The following ATG7 variants were observed in gnomAD, a reference collection of about 807,000 sequenced individuals.
The protein encoded by ATG7 is autophagy related 7, also known as ubiquitin-like modifier-activating enzyme ATG7.
Under a neutral mutation model 82.4 loss-of-function variants are expected in ATG7, and 70 were observed. That is an observed-to-expected ratio of 0.85 (90% CI 0.70 to 1.04). The LOEUF is 1.04. ATG7 is among the 50% of genes least tolerant of loss of function. The pLI, the probability that ATG7 is intolerant of heterozygous loss-of-function variation, is 0.00. For missense variants in ATG7, 792 were observed against 864.3 expected (o/e 0.92, Z 1.05); for synonymous variants, 287 against 313.0 (o/e 0.92, Z 0.88).
intron 20 of ATG7, among the ~76,000 whole-genome samples, chr3:11,432,717 TG>T (rs1478070164): frequency 6.6e-6 from 1 of 152,134 alleles, no homozygotes. Flanking sequence ...ATTCTGCTCA[TG>T]GGGGATTAGG....
chr3:11,310,793 C>T (rs1265283018), intron 7 of ATG7, among the ~76,000 whole-genome samples: 5 of 152,052 alleles, frequency 3.3e-5, no homozygotes, highest in East Asian at 1.9e-4. Flanking sequence ...CCACCACACC[C>T]GGCTAATTTT....
At chr3:11,370,288 G>A (rs1448470917) in intron 18 of ATG7, among the ~76,000 whole-genome samples, 1 of 151,058 alleles carries the variant, frequency 6.6e-6, no homozygotes. Flanking sequence ...TTTTTCTAAG[G>A]ATAACACTGG....
At chr3:11,460,675 T>C (rs1479315291) in intron 20 of ATG7, among the ~76,000 whole-genome samples, 1 of 152,208 alleles carries the variant, frequency 6.6e-6, no homozygotes, top group Non-Finnish European at 1.5e-5. Context: ...GGAAGATTAA[T>C]AAGTCAAAAT....
chr3:11,328,440 T>C (rs977011341), intron 9 of ATG7, among the ~76,000 whole-genome samples: 3 of 152,198 alleles, frequency 2.0e-5, no homozygotes, highest in African/African-American at 7.2e-5. Context: ...TGACCATATC[T>C]ATGAACCTGT....
chr3:11,564,812 C>G, the ATG7 span: 3 of 1,569,998 alleles, frequency 1.9e-6, no homozygotes, highest in Non-Finnish European at 2.6e-6. Flanking sequence ...GCCGCTCCCC[C>G]GGGGTCAGTG....
intron 14 of ATG7, among the ~76,000 whole-genome samples, chr3:11,354,255 C>G (rs925828198): frequency 6.6e-6 from 1 of 152,096 alleles, no homozygotes; most frequent in South Asian, 2.1e-4. Flanking sequence ...TGAAAAGAAG[C>G]GCTCTGCTAC....
At chr3:11,305,415 G>GGTAC (rs1181916289) in intron 5 of ATG7, among the ~76,000 whole-genome samples, 1 of 152,168 alleles carries the variant, frequency 6.6e-6, no homozygotes, top group Non-Finnish European at 1.5e-5. Context: ...TGGGAAGAAG[G>GGTAC]GTACCTTCCT....
intron 18 of ATG7, among the ~76,000 whole-genome samples, chr3:11,374,654 C>G (rs2077258594): frequency 2.0e-5 from 3 of 152,056 alleles, no homozygotes; most frequent in Admixed American, 6.5e-5. Context: ...GCCTGTAATC[C>G]CAGCACTTTG....
At chr3:11,495,727 G>A (rs536957127) in intron 20 of ATG7, among the ~76,000 whole-genome samples, 17 of 152,278 alleles carry the variant, frequency 1.1e-4, no homozygotes, top group East Asian at 5.8e-4. Flanking sequence ...TCTAACAGCC[G>A]TGGATATCAC....
At chr3:11,303,712 C>T (rs887453405) in intron 5 of ATG7, among the ~76,000 whole-genome samples, 5 of 150,542 alleles carry the variant, frequency 3.3e-5, no homozygotes, top group Non-Finnish European at 5.9e-5. Context: ...CTCAAATGAT[C>T]AACATTTGAA....
chr3:11,330,133 T>G (rs1378671242), intron 9 of ATG7, among the ~76,000 whole-genome samples: 1 of 152,258 alleles, frequency 6.6e-6, no homozygotes, highest in Non-Finnish European at 1.5e-5. Context: ...CCACATGACA[T>G]CCTTGGTAAT....
chr3:11,446,675 T>C, intron 20 of ATG7: 1 of 233,360 alleles, frequency 4.3e-6, no homozygotes, highest in South Asian at 4.1e-5. Context: ...TTCCTGACTT[T>C]TGACTTCTTC....
chr3:11,437,778 T>C (rs116597392), intron 20 of ATG7, among the ~76,000 whole-genome samples: 57 of 152,332 alleles, frequency 3.7e-4, no homozygotes, highest in African/African-American at 1.3e-3. Flanking sequence ...TTTTAAACCA[T>C]TTGAAAGCAA....
chr3:11,404,853 C>A (rs1484568167), intron 19 of ATG7, among the ~76,000 whole-genome samples: 1 of 152,036 alleles, frequency 6.6e-6, no homozygotes, highest in African/African-American at 2.4e-5. Context: ...ATGAGAACGG[C>A]ATGAGAAAGA....
At chr3:11,485,383 G>A (rs990356402) in intron 20 of ATG7, among the ~76,000 whole-genome samples, 1 of 152,106 alleles carries the variant, frequency 6.6e-6, no homozygotes, top group Non-Finnish European at 1.5e-5. Flanking sequence ...CTTTTCGATG[G>A]GGTTGTTTGT....
At chr3:11,466,156 T>G (rs892863637) in intron 20 of ATG7, among the ~76,000 whole-genome samples, 1 of 152,228 alleles carries the variant, frequency 6.6e-6, no homozygotes, top group African/African-American at 2.4e-5. Flanking sequence ...CTGCTGTTCC[T>G]CTAGCGAGAA....
intron 20 of ATG7, among the ~76,000 whole-genome samples, chr3:11,490,236 C>T (rs556535196): frequency 6.6e-6 from 1 of 151,978 alleles, no homozygotes; most frequent in Non-Finnish European, 1.5e-5. Context: ...ATGTAATGGC[C>T]TTGTCTCTTT....
intron 20 of ATG7, among the ~76,000 whole-genome samples, chr3:11,448,480 G>A (rs1448967749): frequency 1.3e-5 from 2 of 152,212 alleles, no homozygotes; most frequent in African/African-American, 4.8e-5. Flanking sequence ...CAGGACATGT[G>A]CCTTTAGTCT....
rs571810587 is a variant in ATG7, at chr3:11,443,869, T to G, written c.2079+16943T>G. ...AGAAAAAAGCTTAAAACATTTTATA[T>G]AGAGAACAAGTATGAATTAAACACC... On this transcript the variant is annotated intron_variant, in intron 20 of 20. Transcript: ENST00000693202. Among the ~76,000 whole-genome samples, 20 of 152,282 alleles carry G rather than the reference T, an allele frequency of 1.3e-4. No individual in the cohort carries two copies. In the East Asian group the frequency reaches 3.9e-3, roughly 29 times the overall value.
Sources: gnomAD v4.1 joint callset for allele counts (sites outside exome capture counted in the v4.1 genomes callset) on GRCh38, gnomAD v4.1.1 for gene constraint, MANE v1.5 for transcripts, NCBI Gene and HGNC (gene_info 2026-07-23, HGNC 2026-07-21) for gene names.